The following SEC24A variants were observed in gnomAD, a reference collection of about 807,000 sequenced individuals.
SEC24A encodes protein transport protein Sec24A.
SEC24A carries 93 observed loss-of-function variants against 129.4 expected under a neutral mutation model. The observed-to-expected ratio is 0.72, with a 90% CI of 0.61 to 0.85. SEC24A has a LOEUF of 0.85. Ranked by LOEUF, SEC24A falls within the 40% of genes least tolerant of loss-of-function variation. The probability of loss-of-function intolerance (pLI) is 0.00; values close to 1 mark genes in which losing one functional copy is unlikely to be tolerated. For synonymous variants in SEC24A, 460 were observed against 467.3 expected (o/e 0.98, Z 0.20); for missense variants, 1,264 against 1,307.4 (o/e 0.97, Z 0.51).
At chr5:134,723,206 C>T (rs1295923585) in intron 21 of SEC24A, among the ~76,000 whole-genome samples, 3 of 152,122 alleles carry the variant, frequency 2.0e-5, no homozygotes, top group African/African-American at 7.2e-5. Flanking sequence ...TGGCTCACTC[C>T]TGTAATCCCA....
At chr5:134,703,965 GTTCAAATA>G (rs1464560280) in intron 16 of SEC24A, 33 bp downstream of exon 16, 5 of 1,427,476 alleles carry the variant, frequency 3.5e-6, no homozygotes, top group Non-Finnish European at 4.8e-6. Flanking sequence ...GATTTCAAAT[GTTCAAATA>G]TTGTCTGGAT....
Position 134,703,805 on chromosome 5 carries a change from C to T in SEC24A, c.2313C>T (p.Thr771=), listed in dbSNP as rs370857025. The change falls in exon 16 of 23, where the codon ACC becomes ACT. Residue 771 remains threonine (T), a synonymous_variant. Coordinates refer to ENST00000398844, the MANE Select transcript of SEC24A (RefSeq NM_021982.3). ...ATGGAAACTTCTTTGTTAGGTCAAC[C>T]GACTTACTGTCTTTGCCTAACGTCA... ...TFHGNFFVRS[T]DLLSLPNVNP... 6.8e-6 allele frequency: 11 copies of T among 1,613,098 alleles called. No homozygotes were observed. The highest frequency in any genetic ancestry group is 2.7e-5 in the African/African-American group (2 of 74,978).
At chr5:134,692,980 A>G in intron 12 of SEC24A, 4 of 1,438,936 alleles carry the variant, frequency 2.8e-6, no homozygotes, top group East Asian at 2.5e-5. Flanking sequence ...CACTACATAG[A>G]AGCACATTAG....
intron 11 of SEC24A, among the ~76,000 whole-genome samples, chr5:134,690,961 A>G (rs1027812211): frequency 2.0e-5 from 3 of 150,652 alleles, no homozygotes; most frequent in Non-Finnish European, 1.5e-5. Context: ...AGCGATTCTC[A>G]TGCCTCAGCC....
chr5:134,656,870 C>T lies in SEC24A; in HGVS notation c.98-4249C>T, dbSNP rs569093793. On this transcript the variant is annotated intron_variant, in intron 1 of 22. Coordinates refer to ENST00000398844, the MANE Select transcript of SEC24A (RefSeq NM_021982.3). ...AATGATAGCTCACTGCAGCCTTGAA[C>T]TCCTGGGCTCAAGTAATCCTTGATC... Among the ~76,000 whole-genome samples the T allele has an allele frequency of 2.7e-5, 4 of 150,726 alleles. No homozygotes were observed. In the Admixed American group the frequency reaches 2.7e-4, roughly 10 times the overall value.
In SEC24A at chr5:134,697,128, T is replaced by C; in HGVS notation, c.1989T>C (p.Asp663=). 1 of 1,494,562 alleles carries C rather than the reference T, an allele frequency of 6.7e-7. No individual in the cohort carries two copies. Among genetic ancestry groups the C allele is most frequent in the African/African-American group, 1.4e-5 (1 of 72,720 alleles). The allele number at this position is 1,494,562 out of a possible 1,614,324, so 92.6% of individuals were successfully genotyped here. A position where few individuals can be genotyped will look rare whatever the true frequency, so the allele number is the denominator to read the frequency against. Residue 663 remains aspartate, a splice_region_variant and synonymous_variant, in exon 14 of 23, where the codon GAT becomes GAC. Transcript: ENST00000398844. ...EEPNHRSSAK[D]IHMTPSTDFY... is the part of the protein sequence containing the mutation. ...TCTTTATAATTTATTATAAATAGGA[T>C]ATACACATGACACCATCCACTGACT...
At chr5:134,690,267 G>A (rs942677848) in intron 11 of SEC24A, among the ~76,000 whole-genome samples, 9 of 152,114 alleles carry the variant, frequency 5.9e-5, no homozygotes, top group African/African-American at 1.7e-4. Context: ...TGATCTGCCC[G>A]CCTCTGCCTC....
intron 13 of SEC24A, among the ~76,000 whole-genome samples, chr5:134,695,860 A>G (rs1386810417): frequency 1.3e-5 from 2 of 151,332 alleles, no homozygotes; most frequent in Non-Finnish European, 2.9e-5. Flanking sequence ...AGGCTGAGGC[A>G]TGAGAATTGC....
intron 22 of SEC24A, among the ~76,000 whole-genome samples, chr5:134,724,425 C>T (rs1452547354): frequency 6.6e-6 from 1 of 152,076 alleles, no homozygotes; most frequent in African/African-American, 2.4e-5. Context: ...CCCGTCTCTA[C>T]TAAAAATACA....
intron 8 of SEC24A, among the ~76,000 whole-genome samples, chr5:134,680,452 C>T (rs1025624207): frequency 1.8e-4 from 27 of 152,072 alleles, no homozygotes; most frequent in African/African-American, 6.3e-4. Flanking sequence ...CCTGCCTCAG[C>T]CTCCTGAGTA....
intron 1 of SEC24A, among the ~76,000 whole-genome samples, chr5:134,654,543 G>T (rs1044885524): frequency 4.0e-5 from 6 of 151,884 alleles, no homozygotes; most frequent in Non-Finnish European, 2.9e-5. Context: ...AAGTCTTTGT[G>T]TATACATATT....
chr5:134,663,505 T>C (rs552282697), intron 2 of SEC24A, among the ~76,000 whole-genome samples: 12 of 152,254 alleles, frequency 7.9e-5, no homozygotes, highest in African/African-American at 2.9e-4. Context: ...TAAAATAGTT[T>C]GGGAAAACAT....
intron 9 of SEC24A, among the ~76,000 whole-genome samples, chr5:134,685,322 C>T (rs1580710240): frequency 1.3e-5 from 2 of 151,740 alleles, no homozygotes; most frequent in East Asian, 3.9e-4. Context: ...GATTGCATTG[C>T]ATCACTGCAC....
intron 16 of SEC24A, 60 bp from the exon 17 acceptor site, chr5:134,705,267 A>C: frequency 7.6e-7 from 1 of 1,324,474 alleles, no homozygotes; most frequent in Non-Finnish European, 1.1e-6. Context: ...AAGTGACTTT[A>C]ACATAATCTT....
intron 1 of SEC24A, among the ~76,000 whole-genome samples, chr5:134,649,614 A>G (rs1221277342): frequency 6.6e-6 from 1 of 152,098 alleles, no homozygotes; most frequent in Non-Finnish European, 1.5e-5. Context: ...AGATGAATGC[A>G]TGCTTTTGGG....
At chr5:134,673,689 C>T (rs2150081662) in intron 4 of SEC24A, among the ~76,000 whole-genome samples, 1 of 150,414 alleles carries the variant, frequency 6.6e-6, no homozygotes, top group Non-Finnish European at 1.5e-5. Flanking sequence ...CAACTCCTGA[C>T]CTCAAAGTGA....
intron 18 of SEC24A, among the ~76,000 whole-genome samples, chr5:134,713,565 C>T (rs1369568266): frequency 2.6e-5 from 4 of 152,086 alleles, no homozygotes; most frequent in African/African-American, 9.7e-5. Flanking sequence ...AATAGACAAT[C>T]AGGAAATATT....
chr5:134,675,752 C>A (rs1371693776), intron 6 of SEC24A, among the ~76,000 whole-genome samples: 8 of 151,930 alleles, frequency 5.3e-5, no homozygotes, highest in Non-Finnish European at 1.5e-5. Context: ...ACTAGACTTA[C>A]AAAACAAAAA....
chr5:134,667,669 C>CAAAAAAAAAAAAAAAAAAAAAA (rs1191699758), intron 3 of SEC24A, among the ~76,000 whole-genome samples: 6 of 115,044 alleles, frequency 5.2e-5, no homozygotes, highest in Non-Finnish European at 5.5e-5. Flanking sequence ...AAAAAAAAAA[C>CAAAAAAAAAAAAAAAAAAAAAA]AAAAAAAAAA....
Sources: gnomAD v4.1 joint callset for allele counts (sites outside exome capture counted in the v4.1 genomes callset) on GRCh38, gnomAD v4.1.1 for gene constraint, MANE v1.5 for transcripts, NCBI Gene and HGNC (gene_info 2026-07-23, HGNC 2026-07-21) for gene names.